Variants in KAT7 observed in about 807,000 individuals in gnomAD.
The protein encoded by KAT7 is histone acetyltransferase KAT7.
Under a neutral mutation model 82.1 loss-of-function variants are expected in KAT7, and 10 were observed. The observed-to-expected ratio is 0.12, with a 90% CI of 0.08 to 0.21. KAT7 has a LOEUF of 0.21. Ranked by LOEUF, KAT7 falls within the 10% of genes least tolerant of loss-of-function variation. KAT7 has a pLI of 1.00. For synonymous variants in KAT7, 250 were observed against 262.5 expected (o/e 0.95, Z 0.46); for missense variants, 378 against 760.9 (o/e 0.50, Z 5.92).
intron 7 of KAT7, among the ~76,000 whole-genome samples, chr17:49,812,749 G>A (rs1234687407): frequency 6.6e-6 from 1 of 152,054 alleles, no homozygotes; most frequent in Non-Finnish European, 1.5e-5. Context: ...AAGGCTGGAG[G>A]CTGGAGTGCA....
intron 5 of KAT7, among the ~76,000 whole-genome samples, chr17:49,806,574 TTCTC>T (rs933191427): frequency 5.3e-5 from 8 of 152,182 alleles, no homozygotes; most frequent in Admixed American, 6.5e-5. Flanking sequence ...AGGTACTTCT[TTCTC>T]AGAAAATAAC....
intron 2 of KAT7, 56 bp from the exon 3 acceptor site, chr17:49,796,694 G>A: frequency 1.5e-6 from 2 of 1,372,114 alleles, no homozygotes; most frequent in Non-Finnish European, 2.0e-6. Flanking sequence ...TATATGGATA[G>A]GAAGTAAAAC....
At chr17:49,808,514 G>C (rs1245283039) in intron 5 of KAT7, among the ~76,000 whole-genome samples, 1 of 150,042 alleles carries the variant, frequency 6.7e-6, no homozygotes, top group Non-Finnish European at 1.5e-5. Flanking sequence ...GCAGTGGTGC[G>C]ATCTCGGCTC....
chr17:49,798,343 A>G lies in KAT7; in HGVS notation c.365A>G (p.Asp122Gly), dbSNP rs942612261. 2 of 1,614,046 alleles carry G rather than the reference A, an allele frequency of 1.2e-6. No homozygotes were observed. Among genetic ancestry groups the G allele is most frequent in the African/African-American group, 2.7e-5 (2 of 74,934 alleles). ...DRETKNTADH[D>G]ESPPRTPTGN... is the part of the protein sequence containing the mutation. ...GAAACTAAAAATACAGCTGATCATG[A>G]TGAGTCACCGCCTCGAACTCCAACT... The change falls in exon 4 of 15, where the codon GAT (aspartate) becomes GGT (glycine). Residue 122 changes from aspartate (D) to glycine (G), a missense_variant. Asp to Gly is a moderately conservative substitution (Grantham distance 94, BLOSUM62 -1). This residue lies in a region of KAT7 where 161 missense variants were observed against 229.6 expected (regional missense o/e 0.70). Transcript: ENST00000259021.
Position 49,809,192 on chromosome 17 carries a change from A to C in KAT7, c.737A>C (p.His246Pro), listed in dbSNP as rs777255663. The C allele has an allele frequency of 6.2e-7, 1 of 1,614,086 alleles. No individual in the cohort carries two copies. The highest frequency in any genetic ancestry group is 8.5e-7 in the Non-Finnish European group (1 of 1,179,908). The change falls in exon 6 of 15, where the codon CAT becomes CCT. Residue 246 changes from histidine to proline, a missense_variant. Coordinates refer to ENST00000259021, the MANE Select transcript of KAT7 (RefSeq NM_007067.5). The part of the protein sequence containing the change: ...LSHRQDDNNR[H>P]ATRHQAPTER... ...CACAGGCAAGATGACAACAACAGGC[A>C]TGCAACCAGGCACCAGGTATGGGCC...
intron 2 of KAT7, 34 bp downstream of exon 2, chr17:49,792,067 C>G: frequency 6.2e-7 from 1 of 1,601,776 alleles, no homozygotes; most frequent in Non-Finnish European, 8.5e-7. Flanking sequence ...TACCACTCCT[C>G]ACATCTGGCT....
chr17:49,818,160 T>G, intron 9 of KAT7, 149 bp downstream of exon 9: 1 of 650,638 alleles, frequency 1.5e-6, no homozygotes, highest in South Asian at 2.0e-5. Flanking sequence ...AGGCCACAGC[T>G]TAAGGCGGGG....
intron 8 of KAT7, among the ~76,000 whole-genome samples, chr17:49,816,791 C>T (rs561172148): frequency 2.4e-4 from 37 of 152,206 alleles, no homozygotes; most frequent in African/African-American, 8.2e-4. Context: ...AACTCAGAGC[C>T]ACTGAATGGA....
At chr17:49,806,465 G>A (rs966388465) in intron 5 of KAT7, among the ~76,000 whole-genome samples, 2 of 152,182 alleles carry the variant, frequency 1.3e-5, no homozygotes, top group African/African-American at 4.8e-5. Context: ...CTGTGTAAAA[G>A]TGAGTTGTAG....
At position 49,830,877 on chromosome 17, in the gene KAT7, GATA is replaced by G. The variant is rs1055452320; in HGVS notation, c.*3381_*3383del. 1 of 152,126 alleles carries G rather than the reference GATA, an allele frequency of 6.6e-6. No individual in the cohort carries two copies. Among genetic ancestry groups the G allele is most frequent in the Admixed American group, 6.5e-5 (1 of 15,276 alleles). The allele number at this position is 152,126 out of a possible 1,614,324, so 9.4% of individuals were successfully genotyped here. A position where few individuals can be genotyped will look rare whatever the true frequency, so the allele number is the denominator to read the frequency against. On this transcript the variant is annotated 3_prime_UTR_variant, in exon 15 of 15. Coordinates refer to ENST00000259021, the MANE Select transcript of KAT7 (RefSeq NM_007067.5). ...TGTTTCTAATGGCTTCCATTACAAG[GATA>G]ATAATGAAACTGGTGAAAACTTTCA...
intron 4 of KAT7, among the ~76,000 whole-genome samples, chr17:49,801,344 C>G (rs2074022438): frequency 1.3e-5 from 2 of 152,086 alleles, no homozygotes; most frequent in African/African-American, 4.8e-5. Context: ...GCCACCACGC[C>G]TGGCTAATTT....
chr17:49,802,754 GTC>G lies in KAT7; in HGVS notation c.581-2603_581-2602del, dbSNP rs2074040670. ...ATGACATTACTTTTTTTGAGACAGGGTCTCTCTGTCACCTAGGCTGGAGTATG... is the reference window on the plus strand; with the variant it reads ...ATGACATTACTTTTTTTGAGACAGGGTCTCTGTCACCTAGGCTGGAGTATG... On this transcript the variant is annotated intron_variant, in intron 4 of 14. Coordinates refer to ENST00000259021, the MANE Select transcript of KAT7 (RefSeq NM_007067.5). 2.0e-5 allele frequency among the ~76,000 whole-genome samples: 3 copies of G among 152,118 alleles called. No individual in the cohort carries two copies. In the South Asian group the frequency reaches 6.2e-4, roughly 32 times the overall value.
chr17:49,799,628 G>A (rs1249032466), intron 4 of KAT7, among the ~76,000 whole-genome samples: 1 of 152,084 alleles, frequency 6.6e-6, no homozygotes, highest in Non-Finnish European at 1.5e-5. Flanking sequence ...GCACGCCTTG[G>A]CCTCCCAGAG....
At chr17:49,823,393 G>A (rs1440819178) in intron 12 of KAT7, 98 bp downstream of exon 12, 1 of 724,594 alleles carries the variant, frequency 1.4e-6, no homozygotes, top group Non-Finnish European at 2.5e-6. Flanking sequence ...CTGGAATATA[G>A]TGAAGGTACA....
At chr17:49,814,836 A>C (rs1200584160) in intron 7 of KAT7, 5 of 152,190 alleles carry the variant, frequency 3.3e-5, no homozygotes, top group African/African-American at 1.2e-4. Context: ...AACCGGAAGA[A>C]ATTTTAATAG....
intron 9 of KAT7, 75 bp downstream of exon 9, chr17:49,818,086 A>G: frequency 4.0e-6 from 5 of 1,236,536 alleles, no homozygotes; most frequent in Non-Finnish European, 5.8e-6. Flanking sequence ...TGCCATAGCG[A>G]TGGCATCTGT....
chr17:49,797,063 TG>T, intron 3 of KAT7, 137 bp downstream of exon 3: 1 of 683,746 alleles, frequency 1.5e-6, no homozygotes. Context: ...TCCTTTCTTA[TG>T]TCTTTTTTTT....
At chr17:49,827,221 G>A in intron 14 of KAT7, 180 bp from the exon 15 acceptor site, 1 of 573,426 alleles carries the variant, frequency 1.7e-6, no homozygotes, top group South Asian at 2.4e-5. Context: ...TGAGGGTAAA[G>A]TAGGAAGAAT....
rs1339860369 is a variant in KAT7, at chr17:49,828,664, G to A, written c.*1162G>A. 6.6e-6 allele frequency: 1 copy of A among 152,530 alleles called. No homozygotes were observed. Among genetic ancestry groups the A allele is most frequent in the Admixed American group, 6.5e-5 (1 of 15,272 alleles). 9.4% of individuals were successfully genotyped at this position (152,530 alleles called of 1,614,324 possible). ...ATTTGTCACCATCCTTCTATTCTCTGGTCTTCTATTTTTGGTGTTGTTCAA... is the reference window on the plus strand; with the variant it reads ...ATTTGTCACCATCCTTCTATTCTCTAGTCTTCTATTTTTGGTGTTGTTCAA... On this transcript the variant is annotated 3_prime_UTR_variant, in exon 15 of 15. Transcript: ENST00000259021.
Sources: allele counts gnomAD v4.1 joint callset (sites outside exome capture counted in the v4.1 genomes callset), GRCh38; gene constraint gnomAD v4.1.1; regional missense constraint gnomAD v4.1.1; transcripts MANE v1.5; gene names NCBI Gene and HGNC (gene_info 2026-07-23, HGNC 2026-07-21).